The following EYS variants were observed in gnomAD, a reference collection of about 807,000 sequenced individuals.
EYS encodes EGF-like photoreceptor maintenance factor, also known as protein eyes shut homolog.
A neutral mutation model predicts 282.1 loss-of-function variants in EYS; 250 were observed. That is an observed-to-expected ratio of 0.89 (90% CI 0.80 to 0.98). EYS has a LOEUF of 0.98. Among genes scored for constraint, EYS ranks in the 50% least tolerant of loss-of-function variants. The pLI is 0.00. For synonymous variants in EYS, 1,355 were observed against 1,282.9 expected (o/e 1.06, Z -1.20); for missense variants, 4,016 against 3,709.0 (o/e 1.08, Z -2.15).
intron 12 of EYS, among the ~76,000 whole-genome samples, chr6:65,146,175 A>G (rs554623799): frequency 7.9e-5 from 12 of 151,560 alleles, no homozygotes; most frequent in East Asian, 1.9e-4. Context: ...TGAAAAAAAT[A>G]CTTTCTGATA....
At chr6:65,397,078 T>C (rs2150360429) in intron 7 of EYS, among the ~76,000 whole-genome samples, 1 of 152,056 alleles carries the variant, frequency 6.6e-6, no homozygotes, top group East Asian at 1.9e-4. Context: ...CCCTCAAATA[T>C]GAGTGTCCCA....
intron 5 of EYS, among the ~76,000 whole-genome samples, chr6:65,476,037 G>T (rs1388328684): frequency 6.6e-6 from 1 of 151,654 alleles, no homozygotes; most frequent in East Asian, 1.9e-4. Context: ...TTTTGTCAGG[G>T]AGAAGATATG....
chr6:65,132,983 G>A (rs1458055844), intron 12 of EYS, among the ~76,000 whole-genome samples: 1 of 151,718 alleles, frequency 6.6e-6, no homozygotes, highest in Non-Finnish European at 1.5e-5. Flanking sequence ...AAAGAATAAA[G>A]GACCTAGGAG....
intron 19 of EYS, among the ~76,000 whole-genome samples, chr6:64,824,719 T>C (rs1764998991): frequency 1.3e-5 from 2 of 151,904 alleles, no homozygotes; most frequent in African/African-American, 4.8e-5. Context: ...TCCAGCAATG[T>C]TGGGAGATGA....
intron 28 of EYS, among the ~76,000 whole-genome samples, chr6:64,391,972 A>T (rs1459471314): frequency 2.6e-5 from 4 of 151,900 alleles, no homozygotes; most frequent in African/African-American, 9.7e-5. Context: ...CAGGGGTTGC[A>T]ATCCTAGTCT....
In EYS at chr6:64,805,792, T is replaced by C. The variant is rs935386597; in HGVS notation, c.3443+7586A>G. 1.0e-3 allele frequency among the ~76,000 whole-genome samples: 157 copies of C among 151,524 alleles called. 1 individual carries two copies. Among genetic ancestry groups the C allele is most frequent in the East Asian group, 1.7e-3 (9 of 5,164 alleles). The stretch of plus-strand genomic sequence containing the variant: ...TGTAAGTATTTCAAAAATTCTGATT[T>C]GGAGAACTAAAGTACAAAAATACAT... On this transcript the variant is annotated intron_variant, in intron 22 of 42. Transcript: ENST00000503581.
chr6:64,280,355 G>C (rs111943859), intron 30 of EYS, among the ~76,000 whole-genome samples: 35 of 152,194 alleles, frequency 2.3e-4, no homozygotes, highest in African/African-American at 7.2e-4. Flanking sequence ...GATAAGAAAA[G>C]AGTATGTTAG....
chr6:65,032,932 T>A (rs1479337003), intron 13 of EYS, among the ~76,000 whole-genome samples: 1 of 152,174 alleles, frequency 6.6e-6, no homozygotes, highest in Non-Finnish European at 1.5e-5. Context: ...GCTAATGACA[T>A]GGACAGTGAA....
chr6:64,300,055 G>A (rs1769179185), intron 30 of EYS, among the ~76,000 whole-genome samples: 1 of 152,148 alleles, frequency 6.6e-6, no homozygotes, highest in Non-Finnish European at 1.5e-5. Context: ...CCCTAGTTAT[G>A]GGACCCTATC....
At position 63,856,215 on chromosome 6, in the gene EYS, A is replaced by C. The variant is rs569325897; in HGVS notation, c.7228+7971T>G. Among the ~76,000 whole-genome samples, 4 of 152,046 alleles carry C rather than the reference A, an allele frequency of 2.6e-5. No individual in the cohort carries two copies. The East Asian group carries it at 7.7e-4, about 29-fold the overall frequency. On this transcript the variant is annotated intron_variant, in intron 36 of 42. Transcript: ENST00000503581. Reference sequence around the variant, plus strand: ...TGGACTGACAGACCTGCAAGGTAAAAGTCTCTGGTGAGCTTGAGAATAAAC... The same window carrying C: ...TGGACTGACAGACCTGCAAGGTAAACGTCTCTGGTGAGCTTGAGAATAAAC...
chr6:64,482,808 T>C (rs998004527), intron 26 of EYS, among the ~76,000 whole-genome samples: 1 of 151,676 alleles, frequency 6.6e-6, no homozygotes, highest in African/African-American at 2.4e-5. Flanking sequence ...TAGCTAACAA[T>C]TTTTTTACCT....
intron 2 of EYS, among the ~76,000 whole-genome samples, chr6:65,519,446 C>G (rs991605368): frequency 1.3e-5 from 2 of 150,370 alleles, no homozygotes; most frequent in African/African-American, 4.9e-5. Flanking sequence ...TTATTTTTAA[C>G]ATCTAAATTA....
intron 12 of EYS, among the ~76,000 whole-genome samples, chr6:65,206,147 A>C (rs2150248985): frequency 6.6e-6 from 1 of 151,912 alleles, no homozygotes; most frequent in Admixed American, 6.6e-5. Flanking sequence ...AGATAGTTTA[A>C]CCAAAAAAAG....
At chr6:64,649,546 G>A (rs187576131) in intron 22 of EYS, among the ~76,000 whole-genome samples, 1 of 152,052 alleles carries the variant, frequency 6.6e-6, no homozygotes, top group African/African-American at 2.4e-5. Context: ...CACAATGTTG[G>A]TCAGGATGGT....
chr6:64,275,038 G>A (rs1311246785), intron 30 of EYS, among the ~76,000 whole-genome samples: 1 of 152,132 alleles, frequency 6.6e-6, no homozygotes, highest in East Asian at 1.9e-4. Context: ...CATGCACCTG[G>A]CAACCTGGTC....
chr6:65,460,792 A>G (rs1357878729), intron 5 of EYS, among the ~76,000 whole-genome samples: 1 of 152,060 alleles, frequency 6.6e-6, no homozygotes, highest in Non-Finnish European at 1.5e-5. Context: ...TTCACATACA[A>G]ACACACTGAC....
chr6:65,135,970 G>A (rs1248375123), intron 12 of EYS, among the ~76,000 whole-genome samples: 3 of 151,832 alleles, frequency 2.0e-5, no homozygotes, highest in Non-Finnish European at 4.4e-5. Flanking sequence ...ATCTATTTTT[G>A]AATCTTTTAC....
At position 65,510,407 on chromosome 6, in the gene EYS, G is replaced by T. The variant is rs144443329; in HGVS notation, c.-332-14414C>A. Among the ~76,000 whole-genome samples, 103 of 151,996 alleles carry T rather than the reference G, an allele frequency of 6.8e-4. 4 individuals carry two copies. The East Asian group carries it at 0.017, about 26-fold the overall frequency. On this transcript the variant is annotated intron_variant, in intron 2 of 42. Transcript: ENST00000503581. ...ATATGTGCCAGATTTTCTTAATCCA[G>T]TCTATCATTGATGGACATTTGGGAA... is the stretch of plus-strand genomic sequence containing the variant.
At chr6:65,373,762 C>T (rs533632697) in intron 8 of EYS, among the ~76,000 whole-genome samples, 99 of 151,788 alleles carry the variant, frequency 6.5e-4, no homozygotes, top group Admixed American at 1.2e-3. Context: ...ATTAATTTTC[C>T]TTTACAATAA....
Sources: gnomAD v4.1 joint callset for allele counts (sites outside exome capture counted in the v4.1 genomes callset) on GRCh38, gnomAD v4.1.1 for gene constraint, MANE v1.5 for transcripts, NCBI Gene and HGNC (gene_info 2026-07-23, HGNC 2026-07-21) for gene names.